Variants in DYSF observed in about 807,000 individuals in gnomAD.
The protein encoded by DYSF is dysferlin.
In DYSF, 212 loss-of-function variants were observed where a neutral mutation model predicts 274.9. That is an observed-to-expected ratio of 0.77 (90% CI 0.69 to 0.86). DYSF has a LOEUF of 0.86. DYSF is among the 40% of genes least tolerant of loss of function. The pLI, the probability that DYSF is intolerant of heterozygous loss-of-function variation, is 0.00. For synonymous variants in DYSF, 1,091 were observed against 1,078.7 expected (o/e 1.01, Z -0.22); for missense variants, 2,666 against 2,783.2 (o/e 0.96, Z 0.95).
intron 42 of DYSF, among the ~76,000 whole-genome samples, chr2:71,648,148 G>A (rs57486867): frequency 0.051 from 7,805 of 152,280 alleles, 673 homozygotes; most frequent in African/African-American, 0.18. Flanking sequence ...AAACTTATCA[G>A]TAGAAGAGGA....
intron 17 of DYSF, among the ~76,000 whole-genome samples, chr2:71,550,765 T>C (rs2090886093): frequency 6.6e-6 from 1 of 152,230 alleles, no homozygotes; most frequent in African/African-American, 2.4e-5. Context: ...GTCTTGTGTT[T>C]CTTTGCATCT....
Position 71,612,661 on chromosome 2 carries a change from C to G in DYSF, c.4242C>G (p.Leu1414=), listed in dbSNP as rs952978128. 6.2e-7 allele frequency: 1 copy of G among 1,614,148 alleles called. No individual in the cohort carries two copies. Among genetic ancestry groups the G allele is most frequent in the Admixed American group, 1.7e-5 (1 of 60,024 alleles). Residue 1414 remains leucine (L), a synonymous_variant, in exon 39 of 56, where the codon CTC becomes CTG. Coordinates refer to ENST00000410020, the MANE Select transcript of DYSF (RefSeq NM_001130987.2). ...CCCAGATGCTGCCCAGGGAGGAGCT[C>G]TACTGCCCCCCCATCACCGTCAAGG... ...FMEVMLPREE[L]YCPPITVKVI...
upstream of DYSF, among the ~76,000 whole-genome samples, chr2:71,465,774 C>A (rs565909394): frequency 1.3e-5 from 2 of 152,228 alleles, no homozygotes; most frequent in South Asian, 4.1e-4. Context: ...TGCTGGAGTG[C>A]TGGGGGATAG....
intron 32 of DYSF, 53 bp downstream of exon 32, chr2:71,590,341 T>C: frequency 6.3e-7 from 1 of 1,597,318 alleles, no homozygotes; most frequent in Non-Finnish European, 8.6e-7. Context: ...GATCTGGGAA[T>C]GGAGACATCT....
At chr2:71,508,915 C>T (rs998666238) in intron 4 of DYSF, among the ~76,000 whole-genome samples, 22 of 152,102 alleles carry the variant, frequency 1.4e-4, no homozygotes, top group East Asian at 3.9e-4. Flanking sequence ...TGCAGTGGCA[C>T]GATCCTGGCT....
chr2:71,510,486 C>A (rs1321597320), intron 4 of DYSF, among the ~76,000 whole-genome samples: 1 of 152,204 alleles, frequency 6.6e-6, no homozygotes, highest in East Asian at 1.9e-4. Flanking sequence ...TTGTTGACCT[C>A]CTCCTGGGTC....
intron 46 of DYSF, 93 bp from the exon 47 acceptor site, chr2:71,665,069 G>A: frequency 6.3e-7 from 1 of 1,595,986 alleles, no homozygotes; most frequent in Non-Finnish European, 8.5e-7. Flanking sequence ...AGTGGGCAAT[G>A]CTGTACATGG....
At chr2:71,517,193 T>A (rs2086750477) in intron 10 of DYSF, among the ~76,000 whole-genome samples, 154 bp downstream of exon 10, 1 of 152,128 alleles carries the variant, frequency 6.6e-6, no homozygotes, top group Non-Finnish European at 1.5e-5. Flanking sequence ...CTGCACAGCA[T>A]CTCCTTTCAC....
exon 1 of DYSF, chr2:71,453,984 C>T: frequency 6.2e-7 from 1 of 1,614,034 alleles, no homozygotes; most frequent in Non-Finnish European, 8.5e-7. Flanking sequence ...GCACGGGGCC[C>T]TACACGCGCC....
At chr2:71,488,598 T>C (rs558518242) in intron 3 of DYSF, among the ~76,000 whole-genome samples, 2 of 152,320 alleles carry the variant, frequency 1.3e-5, no homozygotes, top group African/African-American at 4.8e-5. Flanking sequence ...TTCTCTGAGA[T>C]ACAGACTTGA....
At chr2:71,484,569 G>T (rs1054662709) in intron 3 of DYSF, among the ~76,000 whole-genome samples, 6 of 151,950 alleles carry the variant, frequency 3.9e-5, no homozygotes, top group African/African-American at 1.5e-4. Flanking sequence ...GATTATTGTT[G>T]GCTGTAGTCA....
intron 4 of DYSF, among the ~76,000 whole-genome samples, chr2:71,507,049 G>A (rs913778025): frequency 6.6e-6 from 1 of 152,164 alleles, no homozygotes; most frequent in Admixed American, 6.5e-5. Flanking sequence ...GGTCTCTGGA[G>A]CCCTCTCTCT....
chr2:71,539,143 C>A lies in DYSF; in HGVS notation c.1494-14C>A. 1 of 1,613,090 alleles carries A rather than the reference C, an allele frequency of 6.2e-7. No individual in the cohort carries two copies. The highest frequency in any genetic ancestry group is 8.5e-7 in the Non-Finnish European group (1 of 1,179,174). ...CTTTCCTGTGTTCAGGCCCTCTCTG[C>A]TCCCTTGCTCTAGGGACCGCCTGAC... On this transcript the variant is annotated splice_polypyrimidine_tract_variant and intron_variant, in intron 16 of 55. Coordinates refer to ENST00000410020, the MANE Select transcript of DYSF (RefSeq NM_001130987.2).
intron 53 of DYSF, among the ~76,000 whole-genome samples, chr2:71,679,930 A>G (rs59803909): frequency 0.023 from 3,517 of 152,262 alleles, 133 homozygotes; most frequent in African/African-American, 0.08. Flanking sequence ...AAATAAAGGG[A>G]TACAGTAGTC....
chr2:71,581,870 C>T (rs560671653), intron 30 of DYSF, among the ~76,000 whole-genome samples: 1 of 152,176 alleles, frequency 6.6e-6, no homozygotes, highest in Admixed American at 6.5e-5. Context: ...CTTTATTGGC[C>T]GGTGGCTCAC....
At position 71,454,207 on chromosome 2, in the gene DYSF, C is replaced by G. The variant is rs1384919579; in HGVS notation, c.88+121C>G. The G allele has an allele frequency of 4.0e-6, 4 of 1,004,830 alleles. No individual in the cohort carries two copies. The African/African-American group carries it at 4.8e-5, about 12-fold the overall frequency. The allele number at this position is 1,004,830 out of a possible 1,614,324, so 62.2% of individuals were successfully genotyped here. A position where few individuals can be genotyped will look rare whatever the true frequency, so the allele number is the denominator to read the frequency against. ...CAGGAGACTTTCTGGCCCCGCCAGA[C>G]TGACGTTGAGTGTTGCAACGACACA... On this transcript the variant is annotated intron_variant, in intron 1 of 54. Coordinates refer to the DYSF transcript ENST00000258104.
intron 45 of DYSF, among the ~76,000 whole-genome samples, chr2:71,661,460 A>G (rs1023625026): frequency 6.6e-6 from 1 of 152,212 alleles, no homozygotes; most frequent in East Asian, 1.9e-4. Context: ...CTCAGGATCC[A>G]ATCTGTTATA....
intron 41 of DYSF, among the ~76,000 whole-genome samples, chr2:71,627,004 G>T (rs951531917): frequency 6.6e-6 from 1 of 150,980 alleles, no homozygotes; most frequent in Middle Eastern, 3.2e-3. Flanking sequence ...TCTCCATCTA[G>T]TTATGCCTCC....
chr2:71,604,901 C>T (rs1007545969), intron 36 of DYSF, among the ~76,000 whole-genome samples: 1 of 152,112 alleles, frequency 6.6e-6, no homozygotes, highest in African/African-American at 2.4e-5. Context: ...GCCCAGGCAG[C>T]AGTGTCTTGG....
Sources: gnomAD v4.1 joint callset for allele counts (sites outside exome capture counted in the v4.1 genomes callset) on GRCh38, gnomAD v4.1.1 for gene constraint, MANE v1.5 for transcripts, NCBI Gene and HGNC (gene_info 2026-07-23, HGNC 2026-07-21) for gene names.